The following PRKD3 variants were observed in gnomAD, a reference collection of about 807,000 sequenced individuals.
PRKD3 encodes protein kinase D3.
PRKD3 carries 47 observed loss-of-function variants against 99.2 expected under a neutral mutation model. The observed-to-expected ratio is 0.47, with a 90% CI of 0.38 to 0.60. The LOEUF (loss-of-function observed/expected upper bound fraction) is 0.60. Among genes scored for constraint, PRKD3 ranks in the 20% least tolerant of loss-of-function variants. The probability of loss-of-function intolerance (pLI) is 0.00; values close to 1 mark genes in which losing one functional copy is unlikely to be tolerated. For synonymous variants in PRKD3, 392 were observed against 355.4 expected, an observed-to-expected ratio of 1.10 and a Z score of -1.16; for missense variants, 1,019 against 1,088.4, an observed-to-expected ratio of 0.94 and a Z score of 0.90.
chr2:37,273,196 TTTATC>T (rs1351731849), intron 11 of PRKD3, among the ~76,000 whole-genome samples: 2 of 152,200 alleles, frequency 1.3e-5, no homozygotes, highest in African/African-American at 4.8e-5. Context: ...AATCACCTCA[TTTATC>T]TTTTAAAGAG....
intron 2 of PRKD3, among the ~76,000 whole-genome samples, chr2:37,308,283 TCTAAA>T (rs1380850742): frequency 2.6e-5 from 4 of 152,224 alleles, no homozygotes; most frequent in Non-Finnish European, 5.9e-5. Context: ...TAATAAAATC[TCTAAA>T]CTGATCTTTT....
Position 37,274,454 on chromosome 2 carries a change from C to A in PRKD3, c.1618G>T (p.Val540Phe). The A allele has an allele frequency of 6.2e-7, 1 of 1,614,104 alleles. No individual in the cohort carries two copies. Among genetic ancestry groups the A allele is most frequent in the Non-Finnish European group, 8.5e-7 (1 of 1,179,956 alleles). Residue 540 changes from valine (V) to phenylalanine (F), a missense_variant, in exon 11 of 19, where the codon GTT (valine) becomes TTT (phenylalanine). This residue lies in a region of PRKD3 where 710 missense variants were observed against 692.7 expected (regional missense o/e 1.02). Transcript: ENST00000234179. ...ALMPVTPQAS[V>F]CTSPGQGKDH... ...TTCCCTTGCCCTGGAGAAGTGCAAA[C>A]ACTTGCTTGAGGAGTAACAGGCATG...
At chr2:37,262,894 T>C (rs541113984) in intron 14 of PRKD3, among the ~76,000 whole-genome samples, 2 of 144,582 alleles carry the variant, frequency 1.4e-5, no homozygotes, top group South Asian at 4.5e-4. Context: ...CTAAGATTCC[T>C]TCCCCCCCCC....
chr2:37,258,766 C>A (rs1418950959), intron 16 of PRKD3, among the ~76,000 whole-genome samples: 1 of 152,114 alleles, frequency 6.6e-6, no homozygotes, highest in Non-Finnish European at 1.5e-5. Flanking sequence ...TTTAATATAT[C>A]TTTTTATTTG....
At chr2:37,272,062 T>C (rs1449270126) in intron 12 of PRKD3, among the ~76,000 whole-genome samples, 1 of 152,348 alleles carries the variant, frequency 6.6e-6, no homozygotes, top group African/African-American at 2.4e-5. Flanking sequence ...CTTTCAGGTA[T>C]AGCTCAAATT....
chr2:37,290,981 T>C lies in PRKD3; in HGVS notation c.446A>G (p.Asp149Gly). Reference protein sequence around the residue: ...VVLSALATVEDFQIRPHTLYV... With the variant: ...VVLSALATVEGFQIRPHTLYV... Reference sequence around the variant, plus strand: ...GAGAGTATGTGGACGAATCTGGAAGTCTTCTACTGTGGCTAAAGCTTTAAA... The same window carrying C: ...GAGAGTATGTGGACGAATCTGGAAGCCTTCTACTGTGGCTAAAGCTTTAAA... The change falls in exon 4 of 19, where the codon GAC (aspartate) becomes GGC (glycine). Residue 149 changes from aspartate (D) to glycine (G), a missense_variant. Coordinates refer to ENST00000234179, the MANE Select transcript of PRKD3 (RefSeq NM_005813.6). 2 of 1,606,168 alleles carry C rather than the reference T, an allele frequency of 1.2e-6. No homozygotes were observed. The highest frequency in any genetic ancestry group is 1.7e-6 in the Non-Finnish European group (2 of 1,176,414).
rs1198791733 is a variant in PRKD3, at chr2:37,316,667, A to G, written c.-143T>C. On this transcript the variant is annotated 5_prime_UTR_variant, in exon 2 of 19. The change abolishes an upstream ATG in the 5' untranslated region. Transcript: ENST00000234179. ...CTTTATTTCCTCTGTTAAGCCACTCATGCCGATACTTTTAAGTTTTATCAA... is the reference window on the plus strand; with the variant it reads ...CTTTATTTCCTCTGTTAAGCCACTCGTGCCGATACTTTTAAGTTTTATCAA... 3.3e-5 allele frequency: 48 copies of G among 1,442,964 alleles called. No homozygotes were observed. Among genetic ancestry groups the G allele is most frequent in the Middle Eastern group, 2.6e-4 (1 of 3,916 alleles). 89.4% of individuals were successfully genotyped at this position (1,442,964 alleles called of 1,614,324 possible). A position where few individuals can be genotyped will look rare whatever the true frequency, so the allele number is the denominator to read the frequency against.
chr2:37,270,132 C>T (rs1232056920), intron 12 of PRKD3, among the ~76,000 whole-genome samples: 3 of 151,878 alleles, frequency 2.0e-5, no homozygotes, highest in Admixed American at 2.0e-4. Context: ...GAGGCTGAGG[C>T]AGGAGAATCG....
intron 1 of PRKD3, among the ~76,000 whole-genome samples, chr2:37,322,191 A>G (rs1248276761): frequency 2.0e-5 from 3 of 152,180 alleles, no homozygotes. Context: ...GTCCATGTCC[A>G]TGTTTTGACA....
rs368616517 is a variant in PRKD3 at position 37,305,925 on chromosome 2, A to G, written c.288+10312T>C. Among the ~76,000 whole-genome samples the G allele has an allele frequency of 1.6e-4, 25 of 152,280 alleles. No individual in the cohort carries two copies. The East Asian group carries it at 2.7e-3, about 16-fold the overall frequency. ...AGGTGGACTTTATGACACTAGTTTC[A>G]CACCTGAGAAAACTGAGGGTCAGAA... is the stretch of plus-strand genomic sequence containing the variant. On this transcript the variant is annotated intron_variant, in intron 2 of 18. Coordinates refer to ENST00000234179, the MANE Select transcript of PRKD3 (RefSeq NM_005813.6).
chr2:37,324,266 C>A (rs1271874798), intron 1 of PRKD3: 4 of 981,378 alleles, frequency 4.1e-6, no homozygotes, highest in East Asian at 2.3e-4. Context: ...TTCGGCACTG[C>A]GAGCGCCGCG....
chr2:37,256,544 G>C (rs998763409), intron 17 of PRKD3, 118 bp downstream of exon 17: 45 of 1,253,316 alleles, frequency 3.6e-5, no homozygotes, highest in African/African-American at 4.6e-5. Context: ...GAAGATGAAT[G>C]GGAGATGTAC....
At chr2:37,297,492 A>G (rs1670725290) in intron 2 of PRKD3, among the ~76,000 whole-genome samples, 1 of 152,176 alleles carries the variant, frequency 6.6e-6, no homozygotes, top group Admixed American at 6.5e-5. Context: ...TCCATACATT[A>G]TCATTAACTA....
intron 2 of PRKD3, among the ~76,000 whole-genome samples, chr2:37,309,763 C>T (rs1209349535): frequency 6.6e-6 from 1 of 150,884 alleles, no homozygotes; most frequent in African/African-American, 2.4e-5. Flanking sequence ...CAGGAGAATC[C>T]CTTGAACCAG....
rs576996997 is a variant in PRKD3, at chr2:37,303,601, C to T, written c.289-10330G>A. Among the ~76,000 whole-genome samples, 51 of 152,210 alleles carry T rather than the reference C, an allele frequency of 3.4e-4. 1 individual carries two copies. The highest frequency in any genetic ancestry group is 9.2e-4 in the African/African-American group (38 of 41,516). ...AAGGCAGCTAGCCAGATCCTGCACT[C>T]GTTTGCTCACATGTTCCCTCCCAAA... On this transcript the variant is annotated intron_variant, in intron 2 of 18. Transcript: ENST00000234179.
intron 2 of PRKD3, among the ~76,000 whole-genome samples, chr2:37,295,092 A>C (rs897118476): frequency 3.9e-5 from 6 of 152,098 alleles, no homozygotes; most frequent in African/African-American, 1.4e-4. Context: ...CAAACAAACA[A>C]ACTCACTCAC....
intron 2 of PRKD3, among the ~76,000 whole-genome samples, chr2:37,298,770 A>G (rs1390378034): frequency 6.6e-6 from 1 of 152,076 alleles, no homozygotes; most frequent in Non-Finnish European, 1.5e-5. Context: ...CTGTATGTTG[A>G]TTTTGTATCC....
At chr2:37,301,419 C>T (rs1389016383) in intron 2 of PRKD3, among the ~76,000 whole-genome samples, 1 of 151,156 alleles carries the variant, frequency 6.6e-6, no homozygotes, top group African/African-American at 2.4e-5. Context: ...TTTTGGCAAA[C>T]TAATTAAAAC....
chr2:37,314,153 G>A (rs1572704159), intron 2 of PRKD3, among the ~76,000 whole-genome samples: 2 of 152,072 alleles, frequency 1.3e-5, no homozygotes, highest in African/African-American at 4.8e-5. Flanking sequence ...TAAAGATATA[G>A]AAGATTTGAA....
Sources: gnomAD v4.1 joint callset for allele counts (sites outside exome capture counted in the v4.1 genomes callset) on GRCh38, gnomAD v4.1.1 for gene constraint, gnomAD v4.1.1 regional missense constraint, MANE v1.5 for transcripts, NCBI Gene and HGNC (gene_info 2026-07-23, HGNC 2026-07-21) for gene names.